The following TAFA2 variants were observed in gnomAD, a reference collection of about 807,000 sequenced individuals.
TAFA2 encodes chemokine-like protein TAFA-2.
In TAFA2, 7 loss-of-function variants were observed where a neutral mutation model predicts 18.8. The observed-to-expected ratio is 0.37, with a 90% CI of 0.21 to 0.70. The LOEUF (loss-of-function observed/expected upper bound fraction) is 0.70. Ranked by LOEUF, TAFA2 falls within the 30% of genes least tolerant of loss-of-function variation. The probability of loss-of-function intolerance (pLI) is 0.53; values close to 1 mark genes in which losing one functional copy is unlikely to be tolerated. For synonymous variants in TAFA2, 60 were observed against 54.2 expected (o/e 1.11, Z -0.47); for missense variants, 122 against 158.1 (o/e 0.77, Z 1.23).
intron 2 of TAFA2, among the ~76,000 whole-genome samples, chr12:61,824,836 C>T (rs568939981): frequency 6.6e-4 from 101 of 152,196 alleles, no homozygotes; most frequent in South Asian, 6.2e-4. Context: ...ATAACTTTGT[C>T]GCACTAAGTT....
chr12:61,940,610 C>G (rs894745606), intron 1 of TAFA2, among the ~76,000 whole-genome samples: 1 of 152,182 alleles, frequency 6.6e-6, no homozygotes, highest in Non-Finnish European at 1.5e-5. Flanking sequence ...TGCAGTCAAC[C>G]CAAAGCCTGC....
chr12:61,786,450 G>A lies in TAFA2; in HGVS notation c.107-31426C>T, dbSNP rs545519916. Among the ~76,000 whole-genome samples the A allele has an allele frequency of 2.0e-4, 31 of 151,560 alleles. No individual in the cohort carries two copies. In the South Asian group the frequency reaches 2.1e-3, roughly 10 times the overall value. On this transcript the variant is annotated intron_variant, in intron 2 of 4. Transcript: ENST00000416284. ...CATCCACTCAAAAATGACCAGCCAC[G>A]CACAGAGGTACAAAAAAAGTCCTAT...
chr12:62,183,408 G>C (rs2062564443), intron 1 of TAFA2, among the ~76,000 whole-genome samples: 1 of 152,096 alleles, frequency 6.6e-6, no homozygotes, highest in South Asian at 2.1e-4. Context: ...TTTTGATACA[G>C]GGTCTTGCTC....
At chr12:61,815,146 G>T (rs1260327420) in intron 2 of TAFA2, among the ~76,000 whole-genome samples, 1 of 151,430 alleles carries the variant, frequency 6.6e-6, no homozygotes, top group African/African-American at 2.5e-5. Context: ...GGCAGAAATA[G>T]TAGAGAGGAG....
In TAFA2 at chr12:62,207,711, A is replaced by C. The variant is rs150207996; in HGVS notation, c.-130+51052T>G. 1.8e-3 allele frequency among the ~76,000 whole-genome samples: 270 copies of C among 152,312 alleles called. 1 individual carries two copies. Among genetic ancestry groups the C allele is most frequent in the African/African-American group, 6.4e-3 (266 of 41,568 alleles). On this transcript the variant is annotated intron_variant, in intron 1 of 5. Coordinates refer to the TAFA2 transcript ENST00000551619. ...GGATGTTCCACTTCTCCACAATGTT[A>C]TACTCAATCAAAGATCAAAGAAAAA...
At chr12:62,233,802 G>A (rs1411422596) in intron 1 of TAFA2, among the ~76,000 whole-genome samples, 2 of 152,190 alleles carry the variant, frequency 1.3e-5, no homozygotes, top group Non-Finnish European at 2.9e-5. Flanking sequence ...CCCCTCACTT[G>A]GGAGCTTGGA....
intron 1 of TAFA2, among the ~76,000 whole-genome samples, chr12:62,226,476 C>T (rs193005306): frequency 2.3e-4 from 35 of 152,236 alleles, no homozygotes; most frequent in Admixed American, 7.2e-4. Flanking sequence ...GGATTACAGG[C>T]GTGAGCCACC....
intron 4 of TAFA2, among the ~76,000 whole-genome samples, chr12:61,739,108 A>G (rs1203231649): frequency 1.3e-5 from 2 of 152,166 alleles, no homozygotes; most frequent in East Asian, 3.9e-4. Context: ...TATTGTCATC[A>G]TCTCCCAGAT....
intron 1 of TAFA2, among the ~76,000 whole-genome samples, chr12:61,962,638 A>G (rs926937721): frequency 3.3e-5 from 5 of 152,074 alleles, no homozygotes; most frequent in African/African-American, 1.2e-4. Context: ...AGAGAAGAGT[A>G]TATGAAAAAA....
chr12:61,714,537 T>G (rs1327377696), intron 4 of TAFA2, among the ~76,000 whole-genome samples: 1 of 152,188 alleles, frequency 6.6e-6, no homozygotes, highest in South Asian at 2.1e-4. Flanking sequence ...CTGATTAGAT[T>G]TCTAAACAAC....
At chr12:61,987,772 G>C (rs1879867039) in intron 1 of TAFA2, among the ~76,000 whole-genome samples, 3 of 152,186 alleles carry the variant, frequency 2.0e-5, no homozygotes, top group Admixed American at 2.0e-4. Context: ...CTCTTTTGTG[G>C]AAGGAAGTGA....
At chr12:61,914,539 G>T (rs142053565) in intron 1 of TAFA2, among the ~76,000 whole-genome samples, 1 of 152,138 alleles carries the variant, frequency 6.6e-6, no homozygotes, top group South Asian at 2.1e-4. Context: ...TCCAGTTAAA[G>T]TCTCTCTTGG....
intron 1 of TAFA2, among the ~76,000 whole-genome samples, chr12:62,175,432 A>G (rs745575651): frequency 6.6e-6 from 1 of 152,166 alleles, no homozygotes; most frequent in African/African-American, 2.4e-5. Context: ...AAAAATGTAA[A>G]TATTATAATA....
rs145440161 is a variant in TAFA2, at chr12:61,865,309, T to C, written c.106+2011A>G. ...ATGGTGAGCACACTAGTAATCATTT[T>C]ATGAACATGCGCTACAACTTACATA... On this transcript the variant is annotated intron_variant, in intron 2 of 4. Transcript: ENST00000416284. Among the ~76,000 whole-genome samples, 393 of 152,320 alleles carry C rather than the reference T, an allele frequency of 2.6e-3. 4 individuals carry two copies. The highest frequency in any genetic ancestry group is 9.0e-3 in the African/African-American group (374 of 41,576).
chr12:62,219,798 G>A lies in TAFA2; in HGVS notation c.-130+38965C>T, dbSNP rs58514323. On this transcript the variant is annotated intron_variant, in intron 1 of 5. Coordinates refer to the TAFA2 transcript ENST00000551619. ...GCAAGTGTTCCTCTTTCAATAGGTT[G>A]TTAAAGTAAAGAAATGATTCTAACA... 4.1e-3 allele frequency among the ~76,000 whole-genome samples: 631 copies of A among 152,270 alleles called. 32 individuals carry two copies. In the East Asian group the frequency reaches 0.1, roughly 25 times the overall value.
rs1874401042 is a variant in TAFA2, at chr12:61,867,352, C to T, written c.74G>A (p.Gly25Glu). The change falls in exon 2 of 5, where the codon GGG becomes GAG. Residue 25 changes from glycine to glutamate, a missense_variant. Physicochemically the swap from Gly to Glu is moderately conservative, Grantham distance 98. This residue lies in a region of TAFA2 where 62 missense variants were observed against 55.5 expected (regional missense o/e 1.12). Transcript: ENST00000416284. ...ATGGTTTGCACTGGATACAACTTTC[C>T]CCCACAAGGTTACAATAAATATTAT... ...LIIIFIVTLW[G>E]KVVSSANHHK... 1 of 1,608,232 alleles carries T rather than the reference C, an allele frequency of 6.2e-7. No individual in the cohort carries two copies. Among genetic ancestry groups the T allele is most frequent in the African/African-American group, 1.3e-5 (1 of 74,392 alleles).
intron 2 of TAFA2, among the ~76,000 whole-genome samples, chr12:61,755,696 A>G (rs1869230710): frequency 6.6e-6 from 1 of 152,102 alleles, no homozygotes; most frequent in African/African-American, 2.4e-5. Context: ...TCTGGCAGCC[A>G]ATTGCCTGTA....
At chr12:61,849,779 C>T (rs985120491) in intron 2 of TAFA2, among the ~76,000 whole-genome samples, 6 of 152,072 alleles carry the variant, frequency 3.9e-5, no homozygotes, top group East Asian at 3.8e-4. Flanking sequence ...CTTTTTTACA[C>T]GATGCTTGTG....
intron 4 of TAFA2, among the ~76,000 whole-genome samples, chr12:61,751,708 T>G (rs1377445319): frequency 6.6e-6 from 1 of 152,062 alleles, no homozygotes; most frequent in African/African-American, 2.4e-5. Flanking sequence ...AATTATAGGA[T>G]GTAGATGTGA....
Sources: allele counts gnomAD v4.1 joint callset (sites outside exome capture counted in the v4.1 genomes callset), GRCh38; gene constraint gnomAD v4.1.1; regional missense constraint gnomAD v4.1.1; transcripts MANE v1.5; gene names NCBI Gene and HGNC (gene_info 2026-07-23, HGNC 2026-07-21).